The following SPOCK3 variants were observed in gnomAD, a reference collection of about 807,000 sequenced individuals.
SPOCK3 encodes the protein testican-3.
SPOCK3 carries 30 observed loss-of-function variants against 56.6 expected under a neutral mutation model. The observed-to-expected ratio is 0.53, with a 90% CI of 0.40 to 0.72. SPOCK3 has a LOEUF of 0.72. Ranked by LOEUF, SPOCK3 falls within the 30% of genes least tolerant of loss-of-function variation. SPOCK3 has a pLI of 0.00. For missense variants in SPOCK3, 527 were observed against 530.0 expected (o/e 0.99, Z 0.06); for synonymous variants, 196 against 183.3 (o/e 1.07, Z -0.56).
intron 3 of SPOCK3, among the ~76,000 whole-genome samples, chr4:167,021,640 T>G (rs1751186940): frequency 6.6e-6 from 1 of 151,868 alleles, no homozygotes; most frequent in Non-Finnish European, 1.5e-5. Context: ...TGGCACCAAC[T>G]AACTTGAGGA....
chr4:166,897,962 G>T (rs1056976857), intron 5 of SPOCK3, among the ~76,000 whole-genome samples: 2 of 152,130 alleles, frequency 1.3e-5, no homozygotes, highest in East Asian at 1.9e-4. Flanking sequence ...ACCCAAGGCA[G>T]GAGGAGCACT....
intron 6 of SPOCK3, among the ~76,000 whole-genome samples, chr4:166,825,826 G>A (rs1204855138): frequency 1.3e-5 from 2 of 152,070 alleles, no homozygotes; most frequent in African/African-American, 4.8e-5. Flanking sequence ...TCACTTATAA[G>A]TGGGAGCTAA....
chr4:167,151,095 T>A (rs1764377494), intron 2 of SPOCK3, among the ~76,000 whole-genome samples: 1 of 152,204 alleles, frequency 6.6e-6, no homozygotes, highest in Non-Finnish European at 1.5e-5. Flanking sequence ...CGCTGCAAAT[T>A]AGAATCTGTT....
chr4:166,799,938 T>C (rs1352745881), intron 6 of SPOCK3, among the ~76,000 whole-genome samples: 2 of 151,750 alleles, frequency 1.3e-5, no homozygotes, highest in Non-Finnish European at 2.9e-5. Flanking sequence ...TCCCAGCACT[T>C]TGGGAGGTCG....
chr4:167,193,675 A>G (rs979763086), intron 2 of SPOCK3, among the ~76,000 whole-genome samples: 2 of 145,694 alleles, frequency 1.4e-5, no homozygotes, highest in African/African-American at 5.3e-5. Flanking sequence ...TTTTGTTTCA[A>G]CACTTTAAAT....
At chr4:166,960,864 T>C (rs1213275210) in intron 4 of SPOCK3, among the ~76,000 whole-genome samples, 2 of 137,868 alleles carry the variant, frequency 1.5e-5, no homozygotes, top group Non-Finnish European at 1.5e-5. Flanking sequence ...AACTGAATAG[T>C]TGGAATGAAG....
intron 6 of SPOCK3, among the ~76,000 whole-genome samples, chr4:166,885,251 C>G (rs1240562855): frequency 2.0e-5 from 3 of 150,194 alleles, no homozygotes; most frequent in Non-Finnish European, 4.4e-5. Context: ...CTTGCTGGGA[C>G]TTGGTTGCCT....
chr4:167,231,457 C>T (rs1376269580), intron 2 of SPOCK3, among the ~76,000 whole-genome samples: 1 of 151,980 alleles, frequency 6.6e-6, no homozygotes, highest in Non-Finnish European at 1.5e-5. Flanking sequence ...ATAAGAGGTT[C>T]AGAATTCCAT....
At chr4:167,231,975 T>C (rs1278110396) in intron 2 of SPOCK3, among the ~76,000 whole-genome samples, 2 of 152,194 alleles carry the variant, frequency 1.3e-5, no homozygotes, top group East Asian at 3.8e-4. Flanking sequence ...GATATTTGCA[T>C]AAAATGTATC....
At chr4:167,200,299 T>C (rs752512272) in intron 2 of SPOCK3, among the ~76,000 whole-genome samples, 1 of 152,112 alleles carries the variant, frequency 6.6e-6, no homozygotes, top group Non-Finnish European at 1.5e-5. Flanking sequence ...TAAACACATA[T>C]GACTAGTGTA....
chr4:167,106,385 C>A (rs576537535), intron 2 of SPOCK3, among the ~76,000 whole-genome samples: 2 of 151,768 alleles, frequency 1.3e-5, no homozygotes, highest in African/African-American at 4.8e-5. Flanking sequence ...CCTTAATGAC[C>A]ATTGTGTCAA....
At chr4:167,203,215 G>C in intron 2 of SPOCK3, among the ~76,000 whole-genome samples, 1 of 151,674 alleles carries the variant, frequency 6.6e-6, no homozygotes, top group East Asian at 1.9e-4. Context: ...GTAATATAAG[G>C]TCATGAAAAA....
At chr4:167,148,568 T>G (rs1764166269) in intron 2 of SPOCK3, among the ~76,000 whole-genome samples, 1 of 152,146 alleles carries the variant, frequency 6.6e-6, no homozygotes, top group African/African-American at 2.4e-5. Context: ...TCTGTAAAAG[T>G]AAGTCATTCT....
rs565539726 is a variant in SPOCK3, at chr4:167,217,362, T to G, written c.189+16623A>C. ...TACTGAACATGTACAGATGTTTTTT[T>G]TTGTTGTTTCTTGGTATTTTTTCCT... On this transcript the variant is annotated intron_variant, in intron 2 of 10. Coordinates refer to ENST00000357545, the MANE Select transcript of SPOCK3 (RefSeq NM_001040159.2). Among the ~76,000 whole-genome samples the G allele has an allele frequency of 7.2e-5, 11 of 152,130 alleles. No individual in the cohort carries two copies. The South Asian group carries it at 8.3e-4, about 11-fold the overall frequency.
intron 2 of SPOCK3, among the ~76,000 whole-genome samples, chr4:167,160,603 A>C: frequency 6.6e-6 from 1 of 152,130 alleles, no homozygotes; most frequent in African/African-American, 2.4e-5. Context: ...AGCCAAAAGA[A>C]CAAAGCTGGA....
In SPOCK3 at chr4:166,912,739, T is replaced by G; in HGVS notation, c.355A>C (p.Lys119Gln). ...TGCCTATGGTCTACTCCTGCTTCTT[T>G]CATCCTGTTAAAAAAATAAAGCAAG... Reference protein sequence around the residue: ...ISHRRLTHRMKEAGVDHRQWR... With the variant: ...ISHRRLTHRMQEAGVDHRQWR... The change falls in exon 5 of 11, where the codon AAA (lysine) becomes CAA (glutamine). Residue 119 changes from lysine (K) to glutamine (Q), a missense_variant. Coordinates refer to ENST00000357545, the MANE Select transcript of SPOCK3 (RefSeq NM_001040159.2). 6.3e-7 allele frequency: 1 copy of G among 1,593,366 alleles called. No homozygotes were observed. Among genetic ancestry groups the G allele is most frequent in the Non-Finnish European group, 8.5e-7 (1 of 1,173,818 alleles).
intron 3 of SPOCK3, among the ~76,000 whole-genome samples, chr4:167,014,366 C>G (rs1750393374): frequency 6.6e-6 from 1 of 151,238 alleles, no homozygotes; most frequent in African/African-American, 2.4e-5. Context: ...TTAAAACACA[C>G]CAGGCAAGAT....
intron 2 of SPOCK3, among the ~76,000 whole-genome samples, chr4:167,098,020 G>A (rs1392954045): frequency 6.6e-6 from 1 of 151,944 alleles, no homozygotes. Context: ...CTTCATAAAT[G>A]TGTCCCCTGT....
At chr4:167,009,572 A>T (rs1749817391) in intron 3 of SPOCK3, among the ~76,000 whole-genome samples, 1 of 152,256 alleles carries the variant, frequency 6.6e-6, no homozygotes, top group Non-Finnish European at 1.5e-5. Context: ...AACAAATGCA[A>T]TTTCTGCAGC....
Sources: allele counts gnomAD v4.1 joint callset (sites outside exome capture counted in the v4.1 genomes callset), GRCh38; gene constraint gnomAD v4.1.1; transcripts MANE v1.5; gene names NCBI Gene and HGNC (gene_info 2026-07-23, HGNC 2026-07-21).